VTA1: variants seen among roughly 807,000 people sequenced by gnomAD.
VTA1 encodes the protein vacuolar protein sorting-associated protein VTA1 homolog.
Under a neutral mutation model 36.9 loss-of-function variants are expected in VTA1, and 24 were observed. The ratio of observed to expected loss-of-function variants is 0.65; its 90% CI spans 0.47 to 0.91. The LOEUF (loss-of-function observed/expected upper bound fraction) is 0.91. Ranked by LOEUF, VTA1 falls within the 40% of genes least tolerant of loss-of-function variation. VTA1 has a pLI of 0.00. For synonymous variants in VTA1, 142 were observed against 130.2 expected, an observed-to-expected ratio of 1.09 and a Z score of -0.62; for missense variants, 393 against 377.2, an observed-to-expected ratio of 1.04 and a Z score of -0.35.
rs373727830 is a variant in VTA1 at position 142,162,245 on chromosome 6, A to G, written c.113-3983A>G. Reference sequence around the variant, plus strand: ...GTTACATCCTGAGATGGCTGTCACTAAAGCCAAGGGCAGTCTTAGGAATCA... The same window carrying G: ...GTTACATCCTGAGATGGCTGTCACTGAAGCCAAGGGCAGTCTTAGGAATCA... On this transcript the variant is annotated intron_variant, in intron 1 of 7. Coordinates refer to ENST00000367630, the MANE Select transcript of VTA1 (RefSeq NM_016485.5). Among the ~76,000 whole-genome samples, 4 of 152,204 alleles carry G rather than the reference A, an allele frequency of 2.6e-5. No homozygotes were observed. In the South Asian group the frequency reaches 8.3e-4, roughly 32 times the overall value.
chr6:142,216,412 G>A (rs1776005611), intron 7 of VTA1, among the ~76,000 whole-genome samples: 1 of 152,020 alleles, frequency 6.6e-6, no homozygotes, highest in South Asian at 2.1e-4. Flanking sequence ...TTACAAAATA[G>A]CATGTAACAT....
rs1217637606 is a variant in VTA1, at chr6:142,221,482, T to G, written c.*2839T>G. The G allele has an allele frequency of 1.3e-5, 2 of 151,948 alleles. No homozygotes were observed. The highest frequency in any genetic ancestry group is 4.8e-5 in the African/African-American group (2 of 41,346). 9.4% of individuals were successfully genotyped at this position (151,948 alleles called of 1,614,324 possible). A position where few individuals can be genotyped will look rare whatever the true frequency, so the allele number is the denominator to read the frequency against. ...AAGGCTGGTGAGGGAGCTAAAAGCT[T>G]AGGATCATAAAGCTTTTTTGTAAGA... On this transcript the variant is annotated 3_prime_UTR_variant, in exon 8 of 8. Coordinates refer to ENST00000367630, the MANE Select transcript of VTA1 (RefSeq NM_016485.5).
intron 4 of VTA1, among the ~76,000 whole-genome samples, chr6:142,181,473 A>ATATATATATATG (rs1491432773): frequency 7.1e-5 from 10 of 141,632 alleles, no homozygotes; most frequent in African/African-American, 2.6e-4. Flanking sequence ...ATATATATAT[A>ATATATATATATG]TGTATATGTA....
At chr6:142,166,078 C>T in intron 1 of VTA1, 150 bp from the exon 2 acceptor site, 16 of 460,240 alleles carry the variant, frequency 3.5e-5, no homozygotes, top group South Asian at 1.2e-4. Flanking sequence ...TATTTTTGTG[C>T]TTTTTAGGTT....
chr6:142,152,601 G>A (rs1447542533), intron 1 of VTA1, among the ~76,000 whole-genome samples: 1 of 151,864 alleles, frequency 6.6e-6, no homozygotes, highest in Non-Finnish European at 1.5e-5. Context: ...TGTTAAAAAA[G>A]TACTTTTTGT....
rs765995461 is a variant in VTA1, at chr6:142,147,292, C to T, written c.5C>T (p.Ala2Val). 11 of 1,614,006 alleles carry T rather than the reference C, an allele frequency of 6.8e-6. No homozygotes were observed. Among genetic ancestry groups the T allele is most frequent in the South Asian group, 2.2e-5 (2 of 91,088 alleles). ...AGTGGTGAGTTCGGAGTAGAGATGG[C>T]CGCGCTTGCACCGCTGCCCCCGCTC... M[A>V]ALAPLPPLPA... The change falls in exon 1 of 8, where the codon GCC becomes GTC. Residue 2 changes from alanine to valine, a missense_variant. By Grantham distance (64) the Ala-to-Val change is moderately conservative. Transcript: ENST00000367630.
chr6:142,195,409 A>T (rs1160933601), intron 5 of VTA1, among the ~76,000 whole-genome samples: 1 of 151,760 alleles, frequency 6.6e-6, no homozygotes, highest in Non-Finnish European at 1.5e-5. Flanking sequence ...TGTCTGTAGG[A>T]TGTATTTGAT....
intron 7 of VTA1, among the ~76,000 whole-genome samples, chr6:142,215,762 CTT>C (rs990395302): frequency 2.6e-5 from 4 of 152,336 alleles, no homozygotes; most frequent in African/African-American, 9.6e-5. Context: ...TCTATCCTCT[CTT>C]ATGACATTAG....
intron 7 of VTA1, among the ~76,000 whole-genome samples, chr6:142,211,865 T>C (rs1775912238): frequency 1.3e-5 from 2 of 152,110 alleles, no homozygotes; most frequent in South Asian, 2.1e-4. Flanking sequence ...AAAAGGCCTT[T>C]ATAGGCACCT....
At chr6:142,204,574 C>A (rs1376897904) in intron 7 of VTA1, among the ~76,000 whole-genome samples, 1 of 151,856 alleles carries the variant, frequency 6.6e-6, no homozygotes, top group South Asian at 2.1e-4. Context: ...TTTTTTAGCC[C>A]AAATCAGGCA....
chr6:142,177,147 G>C (rs556736617), intron 4 of VTA1, among the ~76,000 whole-genome samples: 1 of 152,258 alleles, frequency 6.6e-6, no homozygotes, highest in African/African-American at 2.4e-5. Context: ...ATAAATATGA[G>C]AGTAGAGTTA....
In VTA1 at chr6:142,220,096, T is replaced by A. The variant is rs987315716; in HGVS notation, c.*1453T>A. On this transcript the variant is annotated 3_prime_UTR_variant, in exon 8 of 8. Coordinates refer to ENST00000367630, the MANE Select transcript of VTA1 (RefSeq NM_016485.5). The stretch of plus-strand genomic sequence containing the variant: ...TGTACAGGGTTTGGTAGAATAAATA[T>A]TCAGACTGACTAAACTGTTCTAAAT... 1 of 152,198 alleles carries A rather than the reference T, an allele frequency of 6.6e-6. No individual in the cohort carries two copies. The highest frequency in any genetic ancestry group is 1.5e-5 in the Non-Finnish European group (1 of 68,026). 9.4% of individuals were successfully genotyped at this position (152,198 alleles called of 1,614,324 possible). A position where few individuals can be genotyped will look rare whatever the true frequency, so the allele number is the denominator to read the frequency against.
chr6:142,190,577 CACTT>C (rs947777943), intron 5 of VTA1, among the ~76,000 whole-genome samples: 29 of 152,118 alleles, frequency 1.9e-4, no homozygotes, highest in Middle Eastern at 3.4e-3. Flanking sequence ...AACCTTTTTT[CACTT>C]ACTTGTTTTT....
intron 7 of VTA1, among the ~76,000 whole-genome samples, chr6:142,211,989 T>G (rs1458722856): frequency 7.2e-5 from 11 of 152,196 alleles, no homozygotes; most frequent in Non-Finnish European, 1.3e-4. Context: ...CCTATTAGAA[T>G]GGCCAAAATC....
intron 7 of VTA1, 49 bp downstream of exon 7, chr6:142,204,114 T>C (rs1775741394): frequency 6.5e-7 from 1 of 1,541,578 alleles, no homozygotes; most frequent in Admixed American, 1.7e-5. Context: ...CTGTTTTGGG[T>C]TGCTGTTTTG....
rs561496505 is a variant in VTA1, at chr6:142,184,821, C to T, written c.412-4605C>T. 4.1e-4 allele frequency among the ~76,000 whole-genome samples: 62 copies of T among 152,182 alleles called. 1 individual carries two copies. The highest frequency in any genetic ancestry group is 3.4e-3 in the Middle Eastern group (1 of 294). The stretch of plus-strand genomic sequence containing the variant: ...AGCCTTAGTGTGAGTAAAATGTGAC[C>T]TGCCTAAATTTCGAGGTTTTGATGA... On this transcript the variant is annotated intron_variant, in intron 4 of 7. Transcript: ENST00000367630.
At position 142,170,035 on chromosome 6, in the gene VTA1, A is replaced by G. The variant is rs190757417; in HGVS notation, c.336-311A>G. Reference sequence around the variant, plus strand: ...AATTCAAATGATTTATCAGTATAATATTTACATTTAAAGAAATACATTATG... The same window carrying G: ...AATTCAAATGATTTATCAGTATAATGTTTACATTTAAAGAAATACATTATG... On this transcript the variant is annotated intron_variant, in intron 3 of 7. Transcript: ENST00000367630. Among the ~76,000 whole-genome samples, 15 of 152,288 alleles carry G rather than the reference A, an allele frequency of 9.8e-5. No homozygotes were observed. In the East Asian group the frequency reaches 1.9e-3, roughly 20 times the overall value.
intron 1 of VTA1, among the ~76,000 whole-genome samples, chr6:142,156,037 T>G (rs1220259055): frequency 6.6e-6 from 1 of 152,150 alleles, no homozygotes; most frequent in Non-Finnish European, 1.5e-5. Flanking sequence ...ACCTGAATTT[T>G]AAGGCAGTTG....
chr6:142,175,150 A>G (rs149778714), intron 4 of VTA1, among the ~76,000 whole-genome samples: 31 of 152,258 alleles, frequency 2.0e-4, no homozygotes, highest in African/African-American at 7.5e-4. Flanking sequence ...CAAAAAGGCC[A>G]CTGGTTCACA....
Sources: gnomAD v4.1 joint callset for allele counts (sites outside exome capture counted in the v4.1 genomes callset) on GRCh38, gnomAD v4.1.1 for gene constraint, MANE v1.5 for transcripts, NCBI Gene and HGNC (gene_info 2026-07-23, HGNC 2026-07-21) for gene names.